The following NEO1 variants were observed in gnomAD, a reference collection of about 807,000 sequenced individuals.
The protein encoded by NEO1 is neogenin.
NEO1 carries 63 observed loss-of-function variants against 159.7 expected under a neutral mutation model. The ratio of observed to expected loss-of-function variants is 0.39; its 90% CI spans 0.32 to 0.49. The LOEUF (loss-of-function observed/expected upper bound fraction) is 0.49, where lower values mean the gene tolerates loss of function less well. NEO1 is among the 20% of genes least tolerant of loss of function. The probability of loss-of-function intolerance (pLI) is 0.85; values close to 1 mark genes in which losing one functional copy is unlikely to be tolerated. For synonymous variants in NEO1, 633 were observed against 662.0 expected (o/e 0.96, Z 0.67); for missense variants, 1,615 against 1,831.0 (o/e 0.88, Z 2.15).
intron 8 of NEO1, among the ~76,000 whole-genome samples, chr15:73,237,418 G>A (rs375803441): frequency 5.9e-5 from 9 of 152,334 alleles, no homozygotes; most frequent in Admixed American, 2.0e-4. Flanking sequence ...CATGCCACAT[G>A]CTGACTGTTC....
chr15:73,235,332 C>G (rs980500512), intron 7 of NEO1, among the ~76,000 whole-genome samples: 1 of 152,142 alleles, frequency 6.6e-6, no homozygotes, highest in Non-Finnish European at 1.5e-5. Context: ...TGAGATTAAA[C>G]TTGTACTCTC....
At chr15:73,198,078 T>C (rs1418076141) in intron 7 of NEO1, among the ~76,000 whole-genome samples, 1 of 152,198 alleles carries the variant, frequency 6.6e-6, no homozygotes, top group Non-Finnish European at 1.5e-5. Flanking sequence ...TGTAGACCAC[T>C]TTATACTTAC....
At position 73,302,854 on chromosome 15, in the gene NEO1, A is replaced by G. The variant is rs1595808768; in HGVS notation, c.*158A>G. 3 of 620,072 alleles carry G rather than the reference A, an allele frequency of 4.8e-6. No individual in the cohort carries two copies. The highest frequency in any genetic ancestry group is 4.0e-5 in the South Asian group (2 of 49,526). The allele number at this position is 620,072 out of a possible 1,614,324, so 38.4% of individuals were successfully genotyped here. On this transcript the variant is annotated 3_prime_UTR_variant, in exon 29 of 29. Coordinates refer to ENST00000261908, the MANE Select transcript of NEO1 (RefSeq NM_002499.4). ...CCTCTGTGTAGGGCTGGCTCCAGGC[A>G]TGGCCACCTGCCTTCCCCTGGTCAG... is the stretch of plus-strand genomic sequence containing the variant.
chr15:73,282,901 C>G (rs1024876380), intron 22 of NEO1, 63 bp from the exon 23 acceptor site: 10 of 1,559,594 alleles, frequency 6.4e-6, no homozygotes, highest in Non-Finnish European at 8.7e-6. Context: ...GGTTCTGTAG[C>G]TTGATAGTAT....
chr15:73,189,521 G>A (rs944148770), intron 7 of NEO1, among the ~76,000 whole-genome samples: 5 of 147,604 alleles, frequency 3.4e-5, no homozygotes, highest in Middle Eastern at 3.6e-3. Context: ...CTCTTGTGAT[G>A]GTGCTTATCT....
In NEO1 at chr15:73,302,622, C is replaced by A; in HGVS notation, c.4312C>A (p.Pro1438Thr). Residue 1438 changes from proline to threonine, a missense_variant, in exon 29 of 29, where the codon CCA becomes ACA. Physicochemically the swap from Pro to Thr is conservative, Grantham distance 38. Transcript: ENST00000261908. ...MLEDSESSYE[P>T]DELTKEMAHL... ...GTTTTCTTTTCCATAGAGCTATGAA[C>A]CAGATGAGCTGACCAAAGAGATGGC... is the stretch of plus-strand genomic sequence containing the variant. 3.7e-6 allele frequency: 6 copies of A among 1,613,924 alleles called. No individual in the cohort carries two copies. Among genetic ancestry groups the A allele is most frequent in the Non-Finnish European group, 4.2e-6 (5 of 1,179,866 alleles).
chr15:73,094,759 A>AT (rs1403752512), intron 1 of NEO1, among the ~76,000 whole-genome samples: 21 of 151,532 alleles, frequency 1.4e-4, no homozygotes, highest in African/African-American at 5.1e-4. Flanking sequence ...TTTTATTTTT[A>AT]TTTTTGTTTC....
intron 7 of NEO1, among the ~76,000 whole-genome samples, chr15:73,178,987 T>A (rs1326662114): frequency 6.6e-6 from 1 of 152,154 alleles, no homozygotes; most frequent in Non-Finnish European, 1.5e-5. Flanking sequence ...TTAGTATTTA[T>A]TTTGCATTGA....
chr15:73,239,080 C>T (rs2150875365), intron 8 of NEO1, among the ~76,000 whole-genome samples: 1 of 152,202 alleles, frequency 6.6e-6, no homozygotes, highest in Admixed American at 6.5e-5. Flanking sequence ...GACTCCTGAC[C>T]TCAGGCGATC....
chr15:73,195,365 A>G (rs566881162), intron 7 of NEO1, among the ~76,000 whole-genome samples: 8 of 152,312 alleles, frequency 5.3e-5, no homozygotes, highest in African/African-American at 1.9e-4. Context: ...ATCACTGACA[A>G]TCTGGCTGCT....
At chr15:73,052,411 C>CA (rs2067485835), upstream of NEO1, 1 of 71,758 alleles carries the variant, frequency 1.4e-5, no homozygotes, top group African/African-American at 4.7e-5. Context: ...ACCGACCCAC[C>CA]GCCCCCCCCC....
chr15:73,057,037 T>A (rs2067741012), intron 1 of NEO1, among the ~76,000 whole-genome samples: 1 of 152,158 alleles, frequency 6.6e-6, no homozygotes. Context: ...ATATGGGGTA[T>A]GACTTGTGGT....
Position 73,302,773 on chromosome 15 carries a change from A to G in NEO1, c.*77A>G, listed in dbSNP as rs1171191057. 3 of 1,310,886 alleles carry G rather than the reference A, an allele frequency of 2.3e-6. No individual in the cohort carries two copies. Among genetic ancestry groups the G allele is most frequent in the African/African-American group, 2.9e-5 (2 of 68,458 alleles). 81.2% of individuals were successfully genotyped at this position (1,310,886 alleles called of 1,614,324 possible). A position where few individuals can be genotyped will look rare whatever the true frequency, so the allele number is the denominator to read the frequency against. ...TACCCTTGAAAACAAGGAATTGTAC[A>G]GAGTACGAGAGGACAGCACTTGAGA... On this transcript the variant is annotated 3_prime_UTR_variant, in exon 29 of 29. Coordinates refer to ENST00000261908, the MANE Select transcript of NEO1 (RefSeq NM_002499.4).
intron 1 of NEO1, among the ~76,000 whole-genome samples, chr15:73,072,461 C>A (rs1203155946): frequency 6.6e-6 from 1 of 152,136 alleles, no homozygotes; most frequent in Non-Finnish European, 1.5e-5. Flanking sequence ...CTCTCCAAAA[C>A]AAGGTGAATT....
intron 7 of NEO1, among the ~76,000 whole-genome samples, chr15:73,208,780 C>T (rs1318613433): frequency 2.6e-5 from 4 of 151,776 alleles, no homozygotes; most frequent in African/African-American, 7.3e-5. Context: ...GAGGATCACC[C>T]GAGCCCAGGA....
In NEO1 at chr15:73,120,391, T is replaced by TA. The variant is rs888452752; in HGVS notation, c.449-2124dup. Among the ~76,000 whole-genome samples the TA allele has an allele frequency of 3.8e-3, 557 of 145,892 alleles. 4 individuals are homozygous for TA. The highest frequency in any genetic ancestry group is 0.02 in the East Asian group (101 of 5,048). ...TTTTCCTTCAAAAATCCCCTTGAAA[T>TA]AAAAAAAAAATAAGAAAAAGAAAAA... On this transcript the variant is annotated intron_variant, in intron 2 of 28. Coordinates refer to ENST00000261908, the MANE Select transcript of NEO1 (RefSeq NM_002499.4).
Position 73,293,427 on chromosome 15 carries a change from C to T in NEO1, c.3780C>T (p.Asn1260=), listed in dbSNP as rs1376402539. 3 of 1,614,196 alleles carry T rather than the reference C, an allele frequency of 1.9e-6. No homozygotes were observed. Among genetic ancestry groups the T allele is most frequent in the South Asian group, 2.2e-5 (2 of 91,092 alleles). ...ISAHPIHSLD[N]PHHHFHSSSL... is the part of the protein sequence containing the mutation. ...CCCATCCCATCCATTCCCTCGATAA[C>T]CCTCACCATCATTTCCACTCCAGCA... The change falls in exon 26 of 29, where the codon AAC becomes AAT. Residue 1260 remains asparagine (N), a synonymous_variant. Coordinates refer to ENST00000261908, the MANE Select transcript of NEO1 (RefSeq NM_002499.4).
At chr15:73,254,280 A>G (rs2040229006) in intron 12 of NEO1, among the ~76,000 whole-genome samples, 1 of 152,044 alleles carries the variant, frequency 6.6e-6, no homozygotes, top group South Asian at 2.1e-4. Flanking sequence ...AGAGTTTTAT[A>G]TGGAAATTGT....
intron 11 of NEO1, 57 bp downstream of exon 11, chr15:73,249,778 T>C: frequency 6.5e-7 from 1 of 1,532,528 alleles, no homozygotes; most frequent in South Asian, 1.3e-5. Context: ...AGTGGTTTAG[T>C]TGTAAGATCA....
Sources: allele counts gnomAD v4.1 joint callset (sites outside exome capture counted in the v4.1 genomes callset), GRCh38; gene constraint gnomAD v4.1.1; transcripts MANE v1.5; gene names NCBI Gene and HGNC (gene_info 2026-07-23, HGNC 2026-07-21).